Variants in RFC2 observed in about 807,000 individuals in gnomAD.
The protein encoded by RFC2 is A1 40 kDa subunit.
Under a neutral mutation model 44.8 loss-of-function variants are expected in RFC2, and 34 were observed. The observed-to-expected ratio is 0.76, with a 90% CI of 0.58 to 1.01. RFC2 has a LOEUF of 1.01. RFC2 is among the 50% of genes least tolerant of loss of function. RFC2 has a pLI of 0.00. For synonymous variants in RFC2, 177 were observed against 168.9 expected (o/e 1.05, Z -0.37); for missense variants, 400 against 453.6 (o/e 0.88, Z 1.07).
chr7:74,248,366 G>T (rs1047097769), intron 4 of RFC2, among the ~76,000 whole-genome samples: 1 of 151,788 alleles, frequency 6.6e-6, no homozygotes, highest in Non-Finnish European at 1.5e-5. Context: ...ATGGTGGCAT[G>T]TGTCTATAGT....
Position 74,254,259 on chromosome 7 carries a change from C to T in RFC2, c.113+12G>A. ...TCCAAACGCGCCCATTCTTTACGGCCTGGGACCTCACCACGGCAGTTCGTA... is the reference window on the plus strand; with the variant it reads ...TCCAAACGCGCCCATTCTTTACGGCTTGGGACCTCACCACGGCAGTTCGTA... On this transcript the variant is annotated intron_variant, in intron 1 of 10. Transcript: ENST00000055077. 1 of 1,599,042 alleles carries T rather than the reference C, an allele frequency of 6.3e-7. No individual in the cohort carries two copies. Among genetic ancestry groups the T allele is most frequent in the Non-Finnish European group, 8.6e-7 (1 of 1,167,250 alleles).
chr7:74,242,445 A>AATATTACTCGT, intron 6 of RFC2, among the ~76,000 whole-genome samples: 1 of 152,178 alleles, frequency 6.6e-6, no homozygotes, highest in East Asian at 1.9e-4. Context: ...TGAAGCGAAT[A>AATATTACTCGT]ATACCTCCTC....
In RFC2 at chr7:74,232,214, T is replaced by C. The variant is rs1554717308; in HGVS notation, c.957A>G (p.Glu319=). The C allele has an allele frequency of 1.3e-6, 2 of 1,590,914 alleles. No homozygotes were observed. The highest frequency in any genetic ancestry group is 1.3e-5 in the African/African-American group (1 of 74,556). ...CTATTTTCATGTGAGTGTATCCAAT[T>C]TCCTGAAAAACAAACCAAATTCAAA... ...AEYLKLEFIK[E]IGYTHMKIAE... Residue 319 remains glutamate (E), a splice_region_variant and synonymous_variant, in exon 11 of 11, where the codon GAA becomes GAG. Coordinates refer to ENST00000055077, the MANE Select transcript of RFC2 (RefSeq NM_181471.3).
Position 74,248,088 on chromosome 7 carries a change from C to T in RFC2, c.332+924G>A, listed in dbSNP as rs142412691. ...GGGATTATAGGCATGAACCACCATG[C>T]CTGGCCGGCCTTCCATACACTTTAA... On this transcript the variant is annotated intron_variant, in intron 4 of 10. Transcript: ENST00000055077. Among the ~76,000 whole-genome samples the T allele has an allele frequency of 6.4e-3, 972 of 152,180 alleles. 6 individuals carry two copies. The highest frequency in any genetic ancestry group is 0.022 in the African/African-American group (894 of 41,528).
At chr7:74,244,365 T>G (rs1028988218) in intron 5 of RFC2, among the ~76,000 whole-genome samples, 5 of 151,866 alleles carry the variant, frequency 3.3e-5, no homozygotes. Context: ...AAAAAATTTT[T>G]TTTTTGAAAC....
intron 2 of RFC2, 63 bp downstream of exon 2, chr7:74,252,366 C>G: frequency 1.2e-6 from 1 of 866,564 alleles, no homozygotes; most frequent in Non-Finnish European, 1.9e-6. Context: ...GAGATCGCAC[C>G]ACTGCACTCC....
rs3135668 is a variant in RFC2, at chr7:74,247,403, G to T, written c.333-640C>A. 2.0e-5 allele frequency among the ~76,000 whole-genome samples: 3 copies of T among 152,252 alleles called. No homozygotes were observed. The East Asian group carries it at 5.8e-4, about 29-fold the overall frequency. ...CACACCTGTAATCCCAACACTTTAG[G>T]AGGCCAAGGTGGGCGGACCACTCCA... On this transcript the variant is annotated intron_variant, in intron 4 of 10. Coordinates refer to ENST00000055077, the MANE Select transcript of RFC2 (RefSeq NM_181471.3).
Position 74,246,767 on chromosome 7 carries a change from A to G in RFC2, c.333-4T>C. ...ATTCCTCACAACGTCAATGCCCCTG[A>G]AAGAATGACAGGTTTTTACTGGCAC... On this transcript the variant is annotated splice_polypyrimidine_tract_variant and splice_region_variant and intron_variant, in intron 4 of 10. Transcript: ENST00000055077. The G allele has an allele frequency of 6.2e-7, 1 of 1,602,734 alleles. No homozygotes were observed. Among genetic ancestry groups the G allele is most frequent in the Non-Finnish European group, 8.5e-7 (1 of 1,171,072 alleles).
intron 3 of RFC2, 47 bp from the exon 4 acceptor site, chr7:74,249,165 T>C (rs1472099361): frequency 6.2e-6 from 10 of 1,612,108 alleles, no homozygotes; most frequent in Non-Finnish European, 8.5e-6. Context: ...CAGAAGGACC[T>C]CAGGTAGCTC....
In RFC2 at chr7:74,238,815, G is replaced by A. The variant is rs1803159232; in HGVS notation, c.759+108C>T. The A allele has an allele frequency of 4.8e-6, 4 of 836,308 alleles. No homozygotes were observed. In the African/African-American group the frequency reaches 5.0e-5, roughly 10 times the overall value. The allele number at this position is 836,308 out of a possible 1,614,324, so 51.8% of individuals were successfully genotyped here. On this transcript the variant is annotated intron_variant, in intron 8 of 10. Transcript: ENST00000055077. The surrounding 1 kb of genome is among the most constrained non-coding windows in gnomAD (Gnocchi z 4.0). ...AGGGTGGGCTCCCTGGCACCCACAA[G>A]AGCAGCTAGATGTCCGTCCCCACTG...
intron 9 of RFC2, 93 bp downstream of exon 9, chr7:74,237,269 G>T: frequency 1.3e-6 from 1 of 772,022 alleles, no homozygotes; most frequent in Non-Finnish European, 2.3e-6. Flanking sequence ...ATGGAGTGAT[G>T]TGTATAATGT....
At chr7:74,246,339 C>G (rs1343906932) in intron 5 of RFC2, among the ~76,000 whole-genome samples, 4 of 149,266 alleles carry the variant, frequency 2.7e-5, no homozygotes, top group African/African-American at 1.0e-4. Flanking sequence ...GCGGAGGTTG[C>G]AGTGAGCAGA....
chr7:74,249,657 A>G, intron 3 of RFC2, 82 bp downstream of exon 3: 1 of 1,154,196 alleles, frequency 8.7e-7, no homozygotes, highest in African/African-American at 1.5e-5. Context: ...CCAGGGAGGC[A>G]GCGCTGTGCA....
intron 9 of RFC2, among the ~76,000 whole-genome samples, chr7:74,236,987 C>A (rs112578289): frequency 6.6e-6 from 1 of 150,562 alleles, no homozygotes; most frequent in Admixed American, 6.6e-5. Context: ...AATAAATAAA[C>A]AAACACAGTG....
intron 1 of RFC2, 79 bp downstream of exon 1, chr7:74,254,192 G>C (rs569750850): frequency 9.2e-7 from 1 of 1,083,716 alleles, no homozygotes; most frequent in African/African-American, 1.6e-5. Context: ...CCTGACCCCC[G>C]AGTTTCTCCG....
chr7:74,235,460 G>A (rs1435080416), intron 10 of RFC2, 72 bp downstream of exon 10: 1 of 954,644 alleles, frequency 1.0e-6, no homozygotes, highest in African/African-American at 1.6e-5. Context: ...GGGATTACAG[G>A]TGTGGCCCAC....
In RFC2 at chr7:74,238,668, G is replaced by A. The variant is rs1244090935; in HGVS notation, c.759+255C>T. On this transcript the variant is annotated intron_variant, in intron 8 of 10. Transcript: ENST00000055077. This position sits in a 1 kb window ranked among gnomAD's most constrained non-coding sequence, Gnocchi z 4.0. ...AAATAAGACACGTCAGAAATTGCTCGACCCTGGGTCTGATGCATCCGTGGT... is the reference window on the plus strand; with the variant it reads ...AAATAAGACACGTCAGAAATTGCTCAACCCTGGGTCTGATGCATCCGTGGT... Among the ~76,000 whole-genome samples the A allele has an allele frequency of 6.6e-6, 1 of 152,114 alleles. No homozygotes were observed. The highest frequency in any genetic ancestry group is 1.5e-5 in the Non-Finnish European group (1 of 68,014).
At chr7:74,242,577 G>T (rs1341734430) in intron 6 of RFC2, among the ~76,000 whole-genome samples, 1 of 151,824 alleles carries the variant, frequency 6.6e-6, no homozygotes, top group Non-Finnish European at 1.5e-5. Flanking sequence ...TATAGTGCTT[G>T]GCCCATGCTA....
intron 6 of RFC2, among the ~76,000 whole-genome samples, chr7:74,241,376 G>A (rs2116290973): frequency 6.6e-6 from 1 of 152,358 alleles, no homozygotes; most frequent in African/African-American, 2.4e-5. Context: ...CGGTGAATGG[G>A]TTAATGAATC....
Sources: gnomAD v4.1 joint callset for allele counts (sites outside exome capture counted in the v4.1 genomes callset) on GRCh38, gnomAD v4.1.1 for gene constraint, Gnocchi (gnomAD v3.1) non-coding constraint, MANE v1.5 for transcripts, NCBI Gene and HGNC (gene_info 2026-07-23, HGNC 2026-07-21) for gene names.